Variants in ARAP2 observed in about 807,000 individuals in gnomAD.
ARAP2 encodes the protein arf-GAP with Rho-GAP domain, ANK repeat and PH domain-containing protein 2.
ARAP2 carries 148 observed loss-of-function variants against 194.5 expected under a neutral mutation model. The observed-to-expected ratio is 0.76, with a 90% CI of 0.67 to 0.87. The LOEUF (loss-of-function observed/expected upper bound fraction) is 0.87, where lower values mean the gene tolerates loss of function less well. ARAP2 is among the 40% of genes least tolerant of loss of function. The pLI is 0.00. For missense variants in ARAP2, 2,128 were observed against 1,989.7 expected, an observed-to-expected ratio of 1.07 and a Z score of -1.32; for synonymous variants, 695 against 683.5, an observed-to-expected ratio of 1.02 and a Z score of -0.26.
intron 6 of ARAP2, among the ~76,000 whole-genome samples, chr4:36,202,254 A>C (rs1744515153): frequency 6.6e-6 from 1 of 152,154 alleles, no homozygotes; most frequent in Non-Finnish European, 1.5e-5. Context: ...AAGACTTTTA[A>C]ACGATACAGT....
chr4:36,044,786 T>C (rs1398380754), intron 5 of ARAP2, among the ~76,000 whole-genome samples: 2 of 152,014 alleles, frequency 1.3e-5, no homozygotes, highest in Non-Finnish European at 2.9e-5. Flanking sequence ...GAAAATATTT[T>C]CAAATTATGC....
chr4:36,074,294 T>C (rs538935000), intron 31 of ARAP2, among the ~76,000 whole-genome samples: 2 of 152,264 alleles, frequency 1.3e-5, no homozygotes, highest in South Asian at 4.1e-4. Context: ...TGAAAAATGT[T>C]ACTATTTTAT....
chr4:36,146,873 A>C (rs1729744990), intron 19 of ARAP2, among the ~76,000 whole-genome samples: 1 of 152,078 alleles, frequency 6.6e-6, no homozygotes, highest in African/African-American at 2.4e-5. Flanking sequence ...GTAGATGCTT[A>C]ATAGTTACTG....
rs1324991153 is a variant in ARAP2, at chr4:36,073,673, CA to C, written c.4743+15del. ...ATTCTATAATTGAATATAAAACAAA[CA>C]AAATCCTAACCTACCTCAATATTTT... On this transcript the variant is annotated intron_variant, in intron 32 of 32. Coordinates refer to ENST00000303965, the MANE Select transcript of ARAP2 (RefSeq NM_015230.4). The C allele has an allele frequency of 3.1e-6, 5 of 1,607,048 alleles. No homozygotes were observed. In the African/African-American group the frequency reaches 6.7e-5, roughly 22 times the overall value.
At chr4:36,171,114 T>C (rs1736515697) in intron 9 of ARAP2, among the ~76,000 whole-genome samples, 2 of 152,262 alleles carry the variant, frequency 1.3e-5, no homozygotes, top group East Asian at 1.9e-4. Flanking sequence ...ATTTGCAAAA[T>C]AGGGATAACA....
At chr4:36,011,526 C>G (rs564969958) in intron 9 of ARAP2, among the ~76,000 whole-genome samples, 4 of 152,112 alleles carry the variant, frequency 2.6e-5, no homozygotes, top group Admixed American at 6.5e-5. Flanking sequence ...TCACCAAACT[C>G]TTTTTCCAGA....
At position 36,244,218 on chromosome 4, in the gene ARAP2, CGGCGCTGG is replaced by C. The variant is rs1754183073; in HGVS notation, c.-207_-200del. The stretch of plus-strand genomic sequence containing the variant: ...GCGGAGTTCGAAAAGCGAGGTGAGG[CGGCGCTGG>C]GAAGCTCAGCGCCGGCGTCTCTCCC... On this transcript the variant is annotated 5_prime_UTR_variant, in exon 1 of 33. Transcript: ENST00000303965. 3.3e-5 allele frequency: 5 copies of C among 152,028 alleles called. No individual in the cohort carries two copies. Among genetic ancestry groups the C allele is most frequent in the African/African-American group, 4.8e-5 (2 of 41,392 alleles). 9.4% of individuals were successfully genotyped at this position (152,028 alleles called of 1,614,324 possible). A position where few individuals can be genotyped will look rare whatever the true frequency, so the allele number is the denominator to read the frequency against.
chr4:36,187,629 C>CA, intron 7 of ARAP2, 58 bp from the exon 8 acceptor site: 2 of 1,425,796 alleles, frequency 1.4e-6, no homozygotes, highest in South Asian at 3.0e-5. Flanking sequence ...TTGATCTTAT[C>CA]AAAAAAGAAT....
At chr4:36,092,058 T>G in intron 27 of ARAP2, 38 bp from the exon 28 acceptor site, 1 of 1,464,950 alleles carries the variant, frequency 6.8e-7, no homozygotes, top group South Asian at 1.5e-5. Flanking sequence ...GTTGGGTACG[T>G]TTTTACTTAT....
intron 2 of ARAP2, among the ~76,000 whole-genome samples, chr4:36,227,243 TGGAGTAGG>T (rs1273144072): frequency 6.6e-6 from 1 of 152,158 alleles, no homozygotes; most frequent in Non-Finnish European, 1.5e-5. Context: ...CATGTTCACA[TGGAGTAGG>T]AGTGGCCCTT....
In ARAP2 at chr4:36,159,418, C is replaced by T. The variant is rs1733389637; in HGVS notation, c.2530G>A (p.Asp844Asn). 1 of 1,612,026 alleles carries T rather than the reference C, an allele frequency of 6.2e-7. No homozygotes were observed. The highest frequency in any genetic ancestry group is 8.5e-7 in the Non-Finnish European group (1 of 1,178,648). Residue 844 changes from aspartate to asparagine, a missense_variant, in exon 14 of 33, where the codon GAC becomes AAC. Asp to Asn is a conservative substitution (Grantham distance 23). Coordinates refer to ENST00000303965, the MANE Select transcript of ARAP2 (RefSeq NM_015230.4). Reference sequence around the variant, plus strand: ...AGATAGGGGGTGCTATGCACGGGGTCTCCGGTGGCACACATGACATCTGCT... The same window carrying T: ...AGATAGGGGGTGCTATGCACGGGGTTTCCGGTGGCACACATGACATCTGCT... Reference protein sequence around the residue: ...SGADVMCATGDPVHSTPYLLA... With the variant: ...SGADVMCATGNPVHSTPYLLA...
chr4:36,243,472 A>AT (rs1753975826), intron 1 of ARAP2: 1 of 150,694 alleles, frequency 6.6e-6, no homozygotes, highest in South Asian at 2.1e-4. Context: ...AAATTAGCTT[A>AT]TTTTCTTGTG....
intron 3 of ARAP2, among the ~76,000 whole-genome samples, chr4:36,048,084 A>T (rs1455663900): frequency 1.3e-5 from 2 of 152,234 alleles, no homozygotes; most frequent in Non-Finnish European, 2.9e-5. Flanking sequence ...CATATATGAA[A>T]GCAAATTTTA....
chr4:36,038,295 A>C (rs1720275174), intron 5 of ARAP2, among the ~76,000 whole-genome samples: 1 of 152,202 alleles, frequency 6.6e-6, no homozygotes, highest in Admixed American at 6.6e-5. Flanking sequence ...ATTTTAGATA[A>C]AAGTACTACT....
intron 5 of ARAP2, among the ~76,000 whole-genome samples, chr4:36,031,951 G>C (rs564968602): frequency 3.3e-5 from 5 of 152,216 alleles, no homozygotes; most frequent in African/African-American, 1.2e-4. Context: ...TTACAGACAT[G>C]AGCCACCATG....
In ARAP2 at chr4:36,014,322, GAGAGAAAGAAAGAA is replaced by G. The variant is rs1172818273; in HGVS notation, n.1056+1050_1056+1063del. ...GAAGAGAAGGAAGGAAAGAAAGAAA[GAGAGAAAGAAAGAA>G]AGAAAGAAAGAAAGAAAGAAAGAAA... On this transcript the variant is annotated intron_variant and non_coding_transcript_variant, in intron 8 of 12. Coordinates refer to the ARAP2 transcript ENST00000503225. Among the ~76,000 whole-genome samples, 283 of 128,356 alleles carry G rather than the reference GAGAGAAAGAAAGAA, an allele frequency of 2.2e-3. 3 individuals are homozygous for G. Among genetic ancestry groups the G allele is most frequent in the Middle Eastern group, 3.9e-3 (1 of 254 alleles). 84.2% of individuals were successfully genotyped at this position (128,356 alleles called of 152,430 possible). A position where few individuals can be genotyped will look rare whatever the true frequency, so the allele number is the denominator to read the frequency against.
At position 36,128,755 on chromosome 4, in the gene ARAP2, A is replaced by G. The variant is rs898857512; in HGVS notation, c.3428-10T>C. ...TATTTGCATCCTAAACCTTTGTTTA[A>G]AAAAAAAAAGTTATACTTTAAAAGT... is the stretch of plus-strand genomic sequence containing the variant. On this transcript the variant is annotated splice_polypyrimidine_tract_variant and intron_variant, in intron 20 of 32. Transcript: ENST00000303965. 3.9e-6 allele frequency: 4 copies of G among 1,027,900 alleles called. No individual in the cohort carries two copies. The African/African-American group carries it at 1.9e-4, about 50-fold the overall frequency. The allele number at this position is 1,027,900 out of a possible 1,614,324, so 63.7% of individuals were successfully genotyped here.
At position 36,159,576 on chromosome 4, in the gene ARAP2, T is replaced by C. The variant is rs573251156; in HGVS notation, c.2443-71A>G. On this transcript the variant is annotated intron_variant, in intron 13 of 32. Coordinates refer to ENST00000303965, the MANE Select transcript of ARAP2 (RefSeq NM_015230.4). ...TTCTAGCTATTAAAATGAGTGAAAG[T>C]CTGATAATTTCATGTATGGGATAAA... 91 of 1,268,994 alleles carry C rather than the reference T, an allele frequency of 7.2e-5. 3 individuals carry two copies. In the South Asian group the frequency reaches 1.8e-3, roughly 26 times the overall value. The allele number at this position is 1,268,994 out of a possible 1,614,324, so 78.6% of individuals were successfully genotyped here.
chr4:36,107,939 C>T (rs1466099802), intron 26 of ARAP2, among the ~76,000 whole-genome samples: 1 of 151,884 alleles, frequency 6.6e-6, no homozygotes, highest in Non-Finnish European at 1.5e-5. Flanking sequence ...ATACCTGTTA[C>T]TGAACTATTT....
Sources: allele counts gnomAD v4.1 joint callset (sites outside exome capture counted in the v4.1 genomes callset), GRCh38; gene constraint gnomAD v4.1.1; transcripts MANE v1.5; gene names NCBI Gene and HGNC (gene_info 2026-07-23, HGNC 2026-07-21).